Variants in CAMTA1 observed in about 807,000 individuals in gnomAD.
CAMTA1 encodes the protein calmodulin-binding transcription activator 1.
In CAMTA1, 27 loss-of-function variants were observed where a neutral mutation model predicts 170.9. That is an observed-to-expected ratio of 0.16 (90% confidence interval 0.12 to 0.22). The LOEUF is 0.22. Among genes scored for constraint, CAMTA1 ranks in the 10% least tolerant of loss-of-function variants. The probability of loss-of-function intolerance (pLI) is 1.00; values close to 1 mark genes in which losing one functional copy is unlikely to be tolerated. For synonymous variants in CAMTA1, 833 were observed against 891.5 expected (o/e 0.93, Z 1.17); for missense variants, 1,619 against 2,217.2 (o/e 0.73, Z 5.42).
At chr1:6,864,980 T>C (rs1666089117) in intron 3 of CAMTA1, among the ~76,000 whole-genome samples, 1 of 152,134 alleles carries the variant, frequency 6.6e-6, no homozygotes, top group East Asian at 1.9e-4. Flanking sequence ...AATTAAAACA[T>C]TTTTAATAGA....
intron 11 of CAMTA1, among the ~76,000 whole-genome samples, chr1:7,704,961 C>G (rs1410398492): frequency 3.5e-5 from 3 of 86,784 alleles, no homozygotes; most frequent in Non-Finnish European, 6.7e-5. Flanking sequence ...CCGGCGGGGG[C>G]GCGCGCGGGG....
intron 3 of CAMTA1, among the ~76,000 whole-genome samples, chr1:6,919,633 C>CTGCTGATA (rs1681558759): frequency 6.6e-6 from 1 of 152,166 alleles, no homozygotes; most frequent in African/African-American, 2.4e-5. Flanking sequence ...TGTTTTCACA[C>CTGCTGATA]TGCTGATAAA....
At chr1:7,755,587 TTG>T in intron 21 of CAMTA1, 49 bp from the exon 22 acceptor site, 1 of 1,383,952 alleles carries the variant, frequency 7.2e-7, no homozygotes, top group Non-Finnish European at 1.0e-6. Context: ...AAGATTTCTG[TTG>T]TGACCCTCAT....
intron 5 of CAMTA1, among the ~76,000 whole-genome samples, chr1:7,296,807 A>T (rs1674018564): frequency 1.5e-5 from 2 of 129,952 alleles, no homozygotes; most frequent in African/African-American, 5.9e-5. Flanking sequence ...TTAATCACGG[A>T]TGACCACCGA....
chr1:6,936,415 G>T (rs1484369483), intron 3 of CAMTA1, among the ~76,000 whole-genome samples: 3 of 152,092 alleles, frequency 2.0e-5, no homozygotes. Flanking sequence ...AGTGTTTCTG[G>T]TGGTGCCTGG....
chr1:7,226,918 C>T (rs185954836), intron 4 of CAMTA1, among the ~76,000 whole-genome samples: 540 of 152,172 alleles, frequency 3.5e-3, no homozygotes, highest in African/African-American at 0.013. Context: ...CTGCAAGCTC[C>T]GCCTCCTGGG....
chr1:7,408,457 T>C (rs2090461260), intron 5 of CAMTA1, among the ~76,000 whole-genome samples: 1 of 152,204 alleles, frequency 6.6e-6, no homozygotes, highest in African/African-American at 2.4e-5. Flanking sequence ...TGTGCTGTCT[T>C]GGCCAGGCCT....
At chr1:7,171,834 T>C (rs1649672326) in intron 4 of CAMTA1, among the ~76,000 whole-genome samples, 1 of 152,178 alleles carries the variant, frequency 6.6e-6, no homozygotes, top group East Asian at 1.9e-4. Context: ...TTGCCTGTTC[T>C]GGATGTTTCA....
chr1:6,829,192 C>T (rs530402858), intron 3 of CAMTA1, among the ~76,000 whole-genome samples: 42 of 152,174 alleles, frequency 2.8e-4, no homozygotes, highest in Admixed American at 1.6e-3. Flanking sequence ...TGTGAGCCAC[C>T]GTTCCTGGCC....
chr1:6,967,774 G>A (rs2149562737), intron 3 of CAMTA1, among the ~76,000 whole-genome samples: 1 of 152,328 alleles, frequency 6.6e-6, no homozygotes, highest in African/African-American at 2.4e-5. Flanking sequence ...TGATATTGGA[G>A]GAGGCACAGT....
intron 3 of CAMTA1, among the ~76,000 whole-genome samples, chr1:6,951,691 G>A (rs1199132935): frequency 1.3e-5 from 2 of 152,110 alleles, no homozygotes; most frequent in Admixed American, 6.5e-5. Flanking sequence ...CTCGGCCATC[G>A]GGCTATAGCT....
At chr1:7,704,519 G>A (rs2149544881) in intron 11 of CAMTA1, among the ~76,000 whole-genome samples, 1 of 147,824 alleles carries the variant, frequency 6.8e-6, no homozygotes, top group Admixed American at 6.7e-5. Flanking sequence ...CTCCGGCCGG[G>A]CCCCCGCCGT....
intron 6 of CAMTA1, among the ~76,000 whole-genome samples, chr1:7,582,256 A>G (rs555396803): frequency 6.6e-5 from 10 of 152,268 alleles, no homozygotes; most frequent in African/African-American, 2.4e-4. Flanking sequence ...CTCTCCTGTC[A>G]GTTTGCAGAG....
At chr1:6,947,189 G>A (rs998770760) in intron 3 of CAMTA1, among the ~76,000 whole-genome samples, 3 of 152,122 alleles carry the variant, frequency 2.0e-5, no homozygotes, top group East Asian at 3.8e-4. Context: ...CCTTATGCCC[G>A]TACCACACTG....
At chr1:7,051,308 G>A (rs1055174805) in intron 3 of CAMTA1, among the ~76,000 whole-genome samples, 7 of 152,146 alleles carry the variant, frequency 4.6e-5, no homozygotes, top group South Asian at 2.1e-4. Context: ...GGCAGCTGAC[G>A]CAGGCTTCTC....
rs377683638 is a variant in CAMTA1 at position 7,736,563 on chromosome 1, T to G, written c.3263+23T>G. On this transcript the variant is annotated intron_variant, in intron 13 of 22. Transcript: ENST00000303635. The surrounding 1 kb of genome is among the most constrained non-coding windows in gnomAD (Gnocchi z 4.5). ...GCGGTAAGGCTGTGGTGCAGCTGGC[T>G]GGGGGTCAGCCTCGCACATCCTCGC... The G allele has an allele frequency of 6.2e-7, 1 of 1,609,928 alleles. No individual in the cohort carries two copies. The highest frequency in any genetic ancestry group is 2.2e-5 in the East Asian group (1 of 44,838).
chr1:7,207,008 T>C (rs1657865333), intron 4 of CAMTA1, among the ~76,000 whole-genome samples: 1 of 152,190 alleles, frequency 6.6e-6, no homozygotes, highest in African/African-American at 2.4e-5. Context: ...CAACGCTGCT[T>C]TCCTAGTCTC....
intron 3 of CAMTA1, among the ~76,000 whole-genome samples, chr1:6,907,047 C>T (rs1475315130): frequency 6.6e-6 from 1 of 152,162 alleles, no homozygotes; most frequent in Non-Finnish European, 1.5e-5. Flanking sequence ...AATTGAGATC[C>T]ATCTTCGGGA....
At chr1:7,542,842 TGTGTG>T (rs1557887220) in intron 6 of CAMTA1, among the ~76,000 whole-genome samples, 153 of 110,352 alleles carry the variant, frequency 1.4e-3, no homozygotes, top group African/African-American at 5.4e-3. Flanking sequence ...AAACACAGTG[TGTGTG>T]TGTGTGTGTG....
Sources: gnomAD v4.1 joint callset for allele counts (sites outside exome capture counted in the v4.1 genomes callset) on GRCh38, gnomAD v4.1.1 for gene constraint, Gnocchi (gnomAD v3.1) non-coding constraint, MANE v1.5 for transcripts, NCBI Gene and HGNC (gene_info 2026-07-23, HGNC 2026-07-21) for gene names.